PDE10A: variants seen among roughly 807,000 people sequenced by gnomAD.
PDE10A encodes the protein cAMP and cAMP-inhibited cGMP 3',5'-cyclic phosphodiesterase 10A.
Under a neutral mutation model 97.7 loss-of-function variants are expected in PDE10A, and 39 were observed. The observed-to-expected ratio is 0.40, with a 90% confidence interval of 0.31 to 0.52. PDE10A has a LOEUF of 0.52. Ranked by LOEUF, PDE10A falls within the 20% of genes least tolerant of loss-of-function variation. PDE10A has a pLI of 0.56. For missense variants in PDE10A, 731 were observed against 1,047.8 expected (o/e 0.70, Z 4.17); for synonymous variants, 371 against 376.8 (o/e 0.98, Z 0.18).
chr6:165,747,136 A>G (rs897502578), intron 1 of PDE10A, among the ~76,000 whole-genome samples: 16 of 152,246 alleles, frequency 1.1e-4, no homozygotes, highest in African/African-American at 3.9e-4. Flanking sequence ...GTCCAAAACT[A>G]CAACCAGAGA....
rs537435874 is a variant in PDE10A at position 165,645,171 on chromosome 6, G to T, written c.865+16776C>A. On this transcript the variant is annotated intron_variant, in intron 1 of 21. Coordinates refer to ENST00000539869, the MANE Select transcript of PDE10A (RefSeq NM_001385079.1). The stretch of plus-strand genomic sequence containing the variant: ...GCTTTCATCCAGCACCCCTGCCAGG[G>T]CCAGGAGAGCCCACTCGATTTCCAA... 8.5e-4 allele frequency among the ~76,000 whole-genome samples: 129 copies of T among 152,260 alleles called. 1 individual carries two copies. The highest frequency in any genetic ancestry group is 3.0e-3 in the African/African-American group (124 of 41,544).
chr6:165,795,500 CAGATCACCTGAGGTCAGGAATTCA>C (rs1472669967), intron 1 of PDE10A, among the ~76,000 whole-genome samples: 1 of 152,120 alleles, frequency 6.6e-6, no homozygotes, highest in East Asian at 1.9e-4. Flanking sequence ...CTGAGGTGGG[CAGATCACCTGAGGTCAGGAATTCA>C]AGATCAGCCT....
chr6:165,843,105 G>A (rs910139693), intron 1 of PDE10A, among the ~76,000 whole-genome samples: 4 of 152,214 alleles, frequency 2.6e-5, no homozygotes, highest in African/African-American at 4.8e-5. Context: ...GTCAGCCAGC[G>A]CCCAGCCCCT....
chr6:165,661,634 G>A lies in PDE10A; in HGVS notation c.865+313C>T, dbSNP rs1048568992. The stretch of plus-strand genomic sequence containing the variant: ...GCGCCGGACAAGTGTGGCCAGAAAC[G>A]GCACGAGGGGCGGAGAAGGAGGCGG... On this transcript the variant is annotated intron_variant, in intron 1 of 21. Coordinates refer to ENST00000539869, the MANE Select transcript of PDE10A (RefSeq NM_001385079.1). The surrounding 1 kb of genome is among the most constrained non-coding windows in gnomAD (Gnocchi z 4.8). The A allele has an allele frequency of 5.6e-6, 2 of 356,026 alleles. No individual in the cohort carries two copies. The highest frequency in any genetic ancestry group is 1.0e-5 in the Non-Finnish European group (2 of 199,118). The allele number at this position is 356,026 out of a possible 1,614,324, so 22.1% of individuals were successfully genotyped here.
rs187249573 is a variant in PDE10A at position 165,927,451 on chromosome 6, G to T, written c.-615+60078C>A. Among the ~76,000 whole-genome samples the T allele has an allele frequency of 6.0e-3, 912 of 151,832 alleles. 9 individuals carry two copies. Among genetic ancestry groups the T allele is most frequent in the African/African-American group, 0.019 (804 of 41,416 alleles). On this transcript the variant is annotated intron_variant, in intron 1 of 19. Transcript: ENST00000366882. ...AATACAGTAAGATTTTTAAAAGGCAGTTTTTTAACAACTGAACATGATTTA... is the reference window on the plus strand; with the variant it reads ...AATACAGTAAGATTTTTAAAAGGCATTTTTTTAACAACTGAACATGATTTA...
chr6:165,948,063 A>G (rs1783831588), intron 1 of PDE10A, among the ~76,000 whole-genome samples: 1 of 151,700 alleles, frequency 6.6e-6, no homozygotes, highest in Admixed American at 6.6e-5. Context: ...AGAATCATAT[A>G]CATATACATA....
intron 11 of PDE10A, among the ~76,000 whole-genome samples, chr6:165,416,984 TCA>T (rs1271789647): frequency 6.7e-6 from 1 of 149,930 alleles, no homozygotes; most frequent in African/African-American, 2.5e-5. Flanking sequence ...TATACCATCA[TCA>T]CACAGGCACT....
At chr6:165,849,776 G>A (rs939201750) in intron 1 of PDE10A, among the ~76,000 whole-genome samples, 5 of 151,996 alleles carry the variant, frequency 3.3e-5, no homozygotes, top group African/African-American at 1.2e-4. Context: ...TTTTCTGAAT[G>A]ACTACAGTTT....
At chr6:165,412,012 C>G (rs567244385) in intron 13 of PDE10A, among the ~76,000 whole-genome samples, 13 of 151,752 alleles carry the variant, frequency 8.6e-5, no homozygotes, top group African/African-American at 2.9e-4. Flanking sequence ...CCATAGGTAT[C>G]TAAGAAAAAA....
chr6:165,648,701 A>T (rs1350615896), intron 1 of PDE10A, among the ~76,000 whole-genome samples: 1 of 152,242 alleles, frequency 6.6e-6, no homozygotes, highest in African/African-American at 2.4e-5. Flanking sequence ...CAGGAAAAAA[A>T]TGGACAGATT....
At chr6:165,635,451 G>A (rs1456975322) in intron 1 of PDE10A, among the ~76,000 whole-genome samples, 1 of 151,478 alleles carries the variant, frequency 6.6e-6, no homozygotes, top group African/African-American at 2.4e-5. Context: ...TGTCTTCATG[G>A]TGCAAGTCAA....
chr6:165,700,906 G>A (rs1791555296), intron 1 of PDE10A, among the ~76,000 whole-genome samples: 1 of 152,218 alleles, frequency 6.6e-6, no homozygotes, highest in Non-Finnish European at 1.5e-5. Flanking sequence ...GTTTATTGAT[G>A]CAGATTGGTT....
At chr6:165,772,605 C>G (rs1027600844) in intron 1 of PDE10A, among the ~76,000 whole-genome samples, 3 of 152,186 alleles carry the variant, frequency 2.0e-5, no homozygotes, top group African/African-American at 7.2e-5. Context: ...GCGTGACCTC[C>G]GGGGCCCTTC....
In PDE10A at chr6:165,331,489, A is replaced by G. The variant is rs1781338803; in HGVS notation, c.*1536T>C. On this transcript the variant is annotated 3_prime_UTR_variant, in exon 22 of 22. Coordinates refer to ENST00000539869, the MANE Select transcript of PDE10A (RefSeq NM_001385079.1). ...TGCACAAACCAGGCTCATATGAACA[A>G]AACGCCTATGGTGGTAAATATGTAG... The G allele has an allele frequency of 6.6e-6, 1 of 152,240 alleles. No homozygotes were observed. The highest frequency in any genetic ancestry group is 1.5e-5 in the Non-Finnish European group (1 of 68,048). The allele number at this position is 152,240 out of a possible 1,614,324, so 9.4% of individuals were successfully genotyped here.
intron 18 of PDE10A, among the ~76,000 whole-genome samples, chr6:165,356,568 T>G (rs73261569): frequency 0.032 from 4,812 of 152,234 alleles, 255 homozygotes; most frequent in African/African-American, 0.11. Context: ...TGTCATTTAT[T>G]TGTTTAAAGG....
chr6:165,824,469 A>G (rs1779667234), intron 1 of PDE10A, among the ~76,000 whole-genome samples: 1 of 152,238 alleles, frequency 6.6e-6, no homozygotes, highest in Non-Finnish European at 1.5e-5. Flanking sequence ...GATTTTACTC[A>G]TAACCTATGT....
In PDE10A at chr6:165,410,958, GT is replaced by G. The variant is rs1787740420; in HGVS notation, c.2076+2542del. 4.6e-5 allele frequency among the ~76,000 whole-genome samples: 3 copies of G among 65,746 alleles called. 1 individual carries two copies. Among genetic ancestry groups the G allele is most frequent in the Non-Finnish European group, 2.8e-5 (1 of 36,248 alleles). 43.1% of individuals were successfully genotyped at this position (65,746 alleles called of 152,430 possible). ...AAAAAAATAGCCGGGCGTGGTGGCG[GT>G]GCCTGTAGTCCCAGCTACTCGGGAG... On this transcript the variant is annotated intron_variant, in intron 13 of 21. Coordinates refer to ENST00000539869, the MANE Select transcript of PDE10A (RefSeq NM_001385079.1).
At chr6:165,824,121 G>A (rs998848937) in intron 1 of PDE10A, among the ~76,000 whole-genome samples, 1 of 152,214 alleles carries the variant, frequency 6.6e-6, no homozygotes. Flanking sequence ...CCTCCTCCAT[G>A]GGAGTGTAGG....
chr6:165,504,770 T>C (rs777815829), intron 2 of PDE10A, among the ~76,000 whole-genome samples: 2 of 152,190 alleles, frequency 1.3e-5, no homozygotes, highest in Non-Finnish European at 2.9e-5. Flanking sequence ...AAAAGAAATA[T>C]GGTGGCAGAT....
Sources: allele counts gnomAD v4.1 joint callset (sites outside exome capture counted in the v4.1 genomes callset), GRCh38; gene constraint gnomAD v4.1.1; non-coding constraint Gnocchi (gnomAD v3.1); transcripts MANE v1.5; gene names NCBI Gene and HGNC (gene_info 2026-07-23, HGNC 2026-07-21).